SLBP: variants seen among roughly 807,000 people sequenced by gnomAD.
The protein encoded by SLBP is stem-loop histone mRNA binding protein.
A neutral mutation model predicts 39.2 loss-of-function variants in SLBP; 29 were observed. The ratio of observed to expected loss-of-function variants is 0.74; its 90% CI spans 0.55 to 1.01. The LOEUF (loss-of-function observed/expected upper bound fraction) is 1.01. Ranked by LOEUF, SLBP falls within the 50% of genes least tolerant of loss-of-function variation. The probability of loss-of-function intolerance (pLI) is 0.00; values close to 1 mark genes in which losing one functional copy is unlikely to be tolerated. For synonymous variants in SLBP, 129 were observed against 118.7 expected (o/e 1.09, Z -0.57); for missense variants, 390 against 350.2 (o/e 1.11, Z -0.91).
chr4:1,708,075 T>A lies in SLBP; in HGVS notation c.176+3799A>T, dbSNP rs181084763. Reference sequence around the variant, plus strand: ...GCCTGGGCGACAGAGCAAGACTCTATCTCAAAAACGAAAAAAAAAAAAAAA... The same window carrying A: ...GCCTGGGCGACAGAGCAAGACTCTAACTCAAAAACGAAAAAAAAAAAAAAA... On this transcript the variant is annotated intron_variant, in intron 2 of 7. Transcript: ENST00000489418. Among the ~76,000 whole-genome samples the A allele has an allele frequency of 6.4e-3, 860 of 134,110 alleles. 17 individuals carry two copies. Among genetic ancestry groups the A allele is most frequent in the Admixed American group, 0.054 (709 of 13,100 alleles). The allele number at this position is 134,110 out of a possible 152,430, so 88.0% of individuals were successfully genotyped here. A position where few individuals can be genotyped will look rare whatever the true frequency, so the allele number is the denominator to read the frequency against.
intron 2 of SLBP, among the ~76,000 whole-genome samples, chr4:1,711,109 G>C (rs1458867728): frequency 6.8e-6 from 1 of 147,956 alleles, no homozygotes; most frequent in African/African-American, 2.5e-5. Flanking sequence ...ATGATTCCGC[G>C]CTCAGCATAA....
At chr4:1,694,673 G>T in intron 7 of SLBP, 101 bp downstream of exon 7, 2 of 853,872 alleles carry the variant, frequency 2.3e-6, no homozygotes, top group Non-Finnish European at 4.0e-6. Context: ...TTACAGGCGT[G>T]AGCCACCGTG....
At chr4:1,702,945 T>C (rs756784168) in intron 3 of SLBP, among the ~76,000 whole-genome samples, 13 of 152,190 alleles carry the variant, frequency 8.5e-5, no homozygotes, top group South Asian at 4.2e-4. Context: ...CAAATGACTA[T>C]AGTAAGTTCC....
At chr4:1,712,045 C>T (rs932327114) in intron 1 of SLBP, 55 bp from the exon 2 acceptor site, 7 of 1,241,224 alleles carry the variant, frequency 5.6e-6, no homozygotes, top group Non-Finnish European at 1.0e-6. Context: ...CGCCTTACAA[C>T]CTCCGCCCTC....
At position 1,693,676 on chromosome 4, in the gene SLBP, A is replaced by G. The variant is rs775131811; in HGVS notation, c.734T>C (p.Met245Thr). 6 of 1,613,760 alleles carry G rather than the reference A, an allele frequency of 3.7e-6. No individual in the cohort carries two copies. Among genetic ancestry groups the G allele is most frequent in the South Asian group, 3.3e-5 (3 of 91,080 alleles). Residue 245 changes from methionine to threonine, a missense_variant, in exon 8 of 8, where the codon ATG (methionine) becomes ACG (threonine). Coordinates refer to ENST00000489418, the MANE Select transcript of SLBP (RefSeq NM_006527.4). ...AAACTCATCCTCCACTTGACTGTCC[A>G]TGTGTCTCACCTTGGTGGGTGTGCC... The part of the protein sequence containing the change: ...YSGTPTKVRH[M>T]DSQVEDEFDL...
At chr4:1,700,224 AG>A in intron 3 of SLBP, 154 bp from the exon 4 acceptor site, 3 of 489,878 alleles carry the variant, frequency 6.1e-6, no homozygotes, top group South Asian at 8.0e-5. Context: ...GTTCAGTTTA[AG>A]TAGTGAGATC....
chr4:1,711,296 A>G (rs1716759474), intron 2 of SLBP, among the ~76,000 whole-genome samples: 1 of 150,860 alleles, frequency 6.6e-6, no homozygotes, highest in African/African-American at 2.4e-5. Context: ...CTTTCAGGGA[A>G]CTCAGGAGCA....
intron 4 of SLBP, 93 bp downstream of exon 4, chr4:1,699,918 G>T: frequency 1.1e-6 from 1 of 948,504 alleles, no homozygotes; most frequent in East Asian, 2.4e-5. Context: ...AAATGCTACT[G>T]CGACAGTCAG....
intron 4 of SLBP, 31 bp from the exon 5 acceptor site, chr4:1,699,732 C>T (rs748245013): frequency 2.8e-5 from 45 of 1,605,274 alleles, no homozygotes; most frequent in Non-Finnish European, 3.5e-5. Flanking sequence ...CAGAATAAGC[C>T]CTGCAATTAA....
chr4:1,710,454 G>A (rs972097984), intron 2 of SLBP, among the ~76,000 whole-genome samples: 7 of 152,180 alleles, frequency 4.6e-5, no homozygotes, highest in Non-Finnish European at 8.8e-5. Flanking sequence ...TCTGAGACAG[G>A]TCTCAATTGC....
intron 3 of SLBP, among the ~76,000 whole-genome samples, chr4:1,702,716 C>T (rs953913836): frequency 5.3e-5 from 8 of 152,144 alleles, no homozygotes; most frequent in African/African-American, 1.9e-4. Context: ...TCAACGAAGA[C>T]GAAGTAGCTT....
At chr4:1,711,172 C>G (rs926856172) in intron 2 of SLBP, among the ~76,000 whole-genome samples, 4 of 150,808 alleles carry the variant, frequency 2.7e-5, no homozygotes, top group Non-Finnish European at 4.4e-5. Context: ...TTTCCTTTCA[C>G]GCCTCCCATC....
Position 1,693,459 on chromosome 4 carries a change from CAAAAA to C in SLBP, c.*133_*137del. On this transcript the variant is annotated 3_prime_UTR_variant, in exon 8 of 8. Transcript: ENST00000489418. Reference sequence around the variant, plus strand: ...ATTAATGTTTCTTAAGAAAGTAAGGCAAAAATAATTCAGCATGAGCTAATGGACTG... The same window carrying C: ...ATTAATGTTTCTTAAGAAAGTAAGGCTAATTCAGCATGAGCTAATGGACTG... 1 of 645,648 alleles carries C rather than the reference CAAAAA, an allele frequency of 1.5e-6. No homozygotes were observed. Among genetic ancestry groups the C allele is most frequent in the Non-Finnish European group, 2.8e-6 (1 of 356,200 alleles). The allele number at this position is 645,648 out of a possible 1,614,324, so 40.0% of individuals were successfully genotyped here.
intron 5 of SLBP, among the ~76,000 whole-genome samples, chr4:1,697,336 G>T (rs1245993878): frequency 4.6e-5 from 7 of 151,656 alleles, no homozygotes; most frequent in African/African-American, 1.7e-4. Context: ...AGGCGTGGTG[G>T]TAGACACCTG....
chr4:1,696,236 G>T lies in SLBP; in HGVS notation c.595C>A (p.Pro199Thr). 1 of 1,599,674 alleles carries T rather than the reference G, an allele frequency of 6.3e-7. No individual in the cohort carries two copies. Among genetic ancestry groups the T allele is most frequent in the East Asian group, 2.3e-5 (1 of 43,722 alleles). ...LWKVALHFWD[P>T]PAEEGCDLQE... ...AAATCACATCCTTCTTCCGCTGGAG[G>T]ATCCCAAAAATGCAGAGCCACCTTC... The change falls in exon 6 of 8, where the codon CCT (proline) becomes ACT (threonine). Residue 199 changes from proline (P) to threonine (T), a missense_variant. Pro to Thr is a conservative substitution (Grantham distance 38). Transcript: ENST00000489418.
intron 2 of SLBP, among the ~76,000 whole-genome samples, chr4:1,705,199 T>C (rs1299588614): frequency 1.3e-5 from 2 of 152,150 alleles, no homozygotes; most frequent in African/African-American, 2.4e-5. Context: ...AGTACTGGGA[T>C]TATAGCTGTG....
At chr4:1,696,617 G>C (rs759482281) in intron 5 of SLBP, among the ~76,000 whole-genome samples, 3 of 152,032 alleles carry the variant, frequency 2.0e-5, no homozygotes, top group Non-Finnish European at 4.4e-5. Context: ...ACAGCTAGGG[G>C]CTGGGAGCGG....
intron 2 of SLBP, among the ~76,000 whole-genome samples, chr4:1,707,081 C>A (rs1329830657): frequency 1.3e-5 from 2 of 149,660 alleles, no homozygotes; most frequent in African/African-American, 4.9e-5. Flanking sequence ...TAGCCGGGCG[C>A]GGTGGCGGGC....
intron 4 of SLBP, 152 bp from the exon 5 acceptor site, chr4:1,699,853 G>A (rs555519936): frequency 1.2e-6 from 1 of 842,354 alleles, no homozygotes; most frequent in South Asian, 1.7e-5. Context: ...CTGCATGTAT[G>A]GGAATTTAGT....
Sources: gnomAD v4.1 joint callset for allele counts (sites outside exome capture counted in the v4.1 genomes callset) on GRCh38, gnomAD v4.1.1 for gene constraint, MANE v1.5 for transcripts, NCBI Gene and HGNC (gene_info 2026-07-23, HGNC 2026-07-21) for gene names.